The following CFAP54 variants were observed in gnomAD, a reference collection of about 807,000 sequenced individuals.
The protein encoded by CFAP54 is cilia- and flagella-associated protein 54.
A neutral mutation model predicts 370.4 loss-of-function variants in CFAP54; 290 were observed. The observed-to-expected ratio is 0.78, with a 90% CI of 0.71 to 0.86. The LOEUF (loss-of-function observed/expected upper bound fraction) is 0.86, where lower values mean the gene tolerates loss of function less well. CFAP54 is among the 40% of genes least tolerant of loss of function. The pLI, the probability that CFAP54 is intolerant of heterozygous loss-of-function variation, is 0.00. For synonymous variants in CFAP54, 1,206 were observed against 1,236.5 expected, an observed-to-expected ratio of 0.98 and a Z score of 0.52; for missense variants, 3,399 against 3,528.7, an observed-to-expected ratio of 0.96 and a Z score of 0.93.
chr12:96,777,752 G>A (rs983830938), intron 60 of CFAP54, among the ~76,000 whole-genome samples: 1 of 152,198 alleles, frequency 6.6e-6, no homozygotes, highest in Non-Finnish European at 1.5e-5. Context: ...ATGGTTTGGT[G>A]CCACTACCTT....
chr12:96,549,527 G>A (rs1473126358), intron 15 of CFAP54, among the ~76,000 whole-genome samples: 1 of 152,162 alleles, frequency 6.6e-6, no homozygotes, highest in African/African-American at 2.4e-5. Flanking sequence ...TACACAATCT[G>A]CTCAGCTGTA....
At chr12:96,732,553 G>T (rs1386374362) in intron 50 of CFAP54, among the ~76,000 whole-genome samples, 1 of 152,028 alleles carries the variant, frequency 6.6e-6, no homozygotes, top group Non-Finnish European at 1.5e-5. Flanking sequence ...TATGTAATAG[G>T]TTTACTATTT....
chr12:96,718,296 T>C, intron 48 of CFAP54, 147 bp from the exon 49 acceptor site: 1 of 531,434 alleles, frequency 1.9e-6, no homozygotes, highest in South Asian at 2.0e-5. Context: ...GAGGTGAAGG[T>C]TGCAGTGAGC....
At chr12:96,778,924 ATGGTGAAACCC>A (rs1449738018) in intron 60 of CFAP54, among the ~76,000 whole-genome samples, 2 of 152,094 alleles carry the variant, frequency 1.3e-5, no homozygotes, top group Non-Finnish European at 2.9e-5. Context: ...CCTGGCCAAC[ATGGTGAAACCC>A]TGTCTCTACT....
In CFAP54 at chr12:96,716,166, T is replaced by C. The variant is rs544777523; in HGVS notation, c.6725-2277T>C. 7.2e-5 allele frequency among the ~76,000 whole-genome samples: 11 copies of C among 152,356 alleles called. No homozygotes were observed. The South Asian group carries it at 2.3e-3, about 32-fold the overall frequency. ...AACTTTTTACATATATAATTACTGG[T>C]TTAGAATTAAATATGTAGATTTTCT... On this transcript the variant is annotated intron_variant, in intron 48 of 67. Transcript: ENST00000524981.
chr12:96,546,435 C>T (rs1377278770), intron 14 of CFAP54, among the ~76,000 whole-genome samples: 1 of 152,044 alleles, frequency 6.6e-6, no homozygotes, highest in African/African-American at 2.4e-5. Context: ...ATTTATTTTC[C>T]ACCATCTTCT....
intron 50 of CFAP54, among the ~76,000 whole-genome samples, chr12:96,729,906 A>G (rs941353156): frequency 2.0e-5 from 3 of 152,208 alleles, no homozygotes; most frequent in African/African-American, 7.2e-5. Flanking sequence ...AGTTGGTAGA[A>G]GTAGGGTCAA....
At chr12:96,846,735 A>G (rs936460529) in intron 66 of CFAP54, among the ~76,000 whole-genome samples, 17 of 152,126 alleles carry the variant, frequency 1.1e-4, no homozygotes, top group African/African-American at 4.1e-4. Flanking sequence ...TGAGCCTGGA[A>G]TAGGGTATGA....
chr12:96,765,013 C>G (rs1236581382), intron 59 of CFAP54, 64 bp from the exon 60 acceptor site: 3 of 1,201,252 alleles, frequency 2.5e-6, no homozygotes, highest in African/African-American at 1.5e-5. Context: ...CATTATTTAC[C>G]TAATAGATAA....
chr12:96,819,933 C>T (rs1007663343), intron 65 of CFAP54, among the ~76,000 whole-genome samples: 2 of 152,186 alleles, frequency 1.3e-5, no homozygotes, highest in Non-Finnish European at 1.5e-5. Context: ...GGGTTGAGTT[C>T]CCAGCTACTT....
chr12:96,524,097 G>A (rs916918800), intron 8 of CFAP54, among the ~76,000 whole-genome samples: 1 of 151,876 alleles, frequency 6.6e-6, no homozygotes, highest in Non-Finnish European at 1.5e-5. Flanking sequence ...AATATGCATT[G>A]AACATATTTT....
intron 62 of CFAP54, among the ~76,000 whole-genome samples, chr12:96,788,882 T>G (rs1257948812): frequency 6.6e-6 from 1 of 152,198 alleles, no homozygotes; most frequent in Admixed American, 6.5e-5. Flanking sequence ...ACTTCCTCTC[T>G]CCTAGATACT....
At chr12:96,514,174 T>C (rs17025483) in intron 5 of CFAP54, among the ~76,000 whole-genome samples, 2,368 of 152,312 alleles carry the variant, frequency 0.016, 73 homozygotes, top group African/African-American at 0.054. Context: ...ACTTTATTCT[T>C]TATTCCATAC....
At chr12:96,560,524 C>T (rs146027708) in intron 17 of CFAP54, among the ~76,000 whole-genome samples, 2 of 152,244 alleles carry the variant, frequency 1.3e-5, no homozygotes, top group East Asian at 3.9e-4. Context: ...AGAATAACTC[C>T]TCCAACTTCT....
rs528719793 is a variant in CFAP54, at chr12:96,768,616, T to C, written c.8281+3398T>C. On this transcript the variant is annotated intron_variant, in intron 60 of 67. Transcript: ENST00000524981. The stretch of plus-strand genomic sequence containing the variant: ...TTGCAGTGAGCCGAGATCACGCCAC[T>C]CACTGCACTCCAGCCTGGGTGACAG... Among the ~76,000 whole-genome samples, 3 of 151,260 alleles carry C rather than the reference T, an allele frequency of 2.0e-5. No individual in the cohort carries two copies. In the South Asian group the frequency reaches 6.3e-4, roughly 32 times the overall value.
intron 67 of CFAP54, among the ~76,000 whole-genome samples, chr12:96,868,627 AT>A: frequency 6.6e-6 from 1 of 152,284 alleles, no homozygotes. Context: ...GCTCAAAAAA[AT>A]GTAAGGTAGC....
intron 26 of CFAP54, among the ~76,000 whole-genome samples, chr12:96,616,466 C>T (rs1956419156): frequency 6.6e-6 from 1 of 152,136 alleles, no homozygotes; most frequent in Admixed American, 6.5e-5. Context: ...ACATACATAA[C>T]AAAACTGCAT....
intron 6 of CFAP54, among the ~76,000 whole-genome samples, chr12:96,519,374 C>T (rs1955277904): frequency 6.6e-6 from 1 of 152,108 alleles, no homozygotes. Flanking sequence ...GCTAGGATTA[C>T]AGGCGTGAGC....
intron 26 of CFAP54, among the ~76,000 whole-genome samples, chr12:96,607,545 A>C (rs1483766630): frequency 6.6e-5 from 10 of 152,192 alleles, no homozygotes; most frequent in Admixed American, 6.5e-4. Flanking sequence ...AATTACCTAG[A>C]GGTGGTAAAT....
Sources: allele counts gnomAD v4.1 joint callset (sites outside exome capture counted in the v4.1 genomes callset), GRCh38; gene constraint gnomAD v4.1.1; transcripts MANE v1.5; gene names NCBI Gene and HGNC (gene_info 2026-07-23, HGNC 2026-07-21).